Variants in ASRGL1 observed in about 807,000 individuals in gnomAD.
ASRGL1 encodes the protein isoaspartyl peptidase/L-asparaginase.
In ASRGL1, 16 loss-of-function variants were observed where a neutral mutation model predicts 22.4. That is an observed-to-expected ratio of 0.71 (90% CI 0.48 to 1.08). ASRGL1 has a LOEUF of 1.08. ASRGL1 is among the 50% of genes least tolerant of loss of function. The pLI is 0.00. For missense variants in ASRGL1, 412 were observed against 410.1 expected (o/e 1.00, Z -0.04); for synonymous variants, 165 against 159.3 (o/e 1.04, Z -0.27).
At chr11:62,342,609 T>C (rs1241765588) in intron 2 of ASRGL1, among the ~76,000 whole-genome samples, 1 of 118,684 alleles carries the variant, frequency 8.4e-6, no homozygotes, top group Non-Finnish European at 1.8e-5. Context: ...ATACAAAACT[T>C]AGCCAGGCAT....
intron 4 of ASRGL1, among the ~76,000 whole-genome samples, chr11:62,360,019 C>CTTTTTTTTTTTTTTGTTTTTT (rs1946395409): frequency 7.6e-6 from 1 of 132,240 alleles, no homozygotes; most frequent in African/African-American, 2.7e-5. Flanking sequence ...TTTTGCTTTT[C>CTTTTTTTTTTTTTTGTTTTTT]TTTTTTTTTT....
At chr11:62,339,314 T>G (rs1255119642) in intron 2 of ASRGL1, among the ~76,000 whole-genome samples, 1 of 152,192 alleles carries the variant, frequency 6.6e-6, no homozygotes, top group African/African-American at 2.4e-5. Flanking sequence ...TTGTCAGTCT[T>G]AAGATCTGTT....
chr11:62,386,962 A>G (rs1947227705), intron 4 of ASRGL1, among the ~76,000 whole-genome samples: 1 of 151,082 alleles, frequency 6.6e-6, no homozygotes, highest in South Asian at 2.1e-4. Context: ...GCACAATCTC[A>G]GCTCACTGCA....
At chr11:62,360,319 T>TGCCCG (rs1481424371) in intron 4 of ASRGL1, among the ~76,000 whole-genome samples, 2 of 151,816 alleles carry the variant, frequency 1.3e-5, no homozygotes, top group African/African-American at 2.4e-5. Flanking sequence ...TGAGCCACCA[T>TGCCCG]GCCCGGCCAA....
At chr11:62,385,577 T>G (rs1243571043) in intron 4 of ASRGL1, among the ~76,000 whole-genome samples, 1 of 152,134 alleles carries the variant, frequency 6.6e-6, no homozygotes, top group Non-Finnish European at 1.5e-5. Context: ...ACATAAAAGA[T>G]TTTAGGGCCA....
chr11:62,371,912 C>T, intron 4 of ASRGL1: 1 of 579,340 alleles, frequency 1.7e-6, no homozygotes, highest in Non-Finnish European at 3.1e-6. Flanking sequence ...CGAGATCGCG[C>T]CACTGCACTC....
chr11:62,337,800 T>C (rs1319209832), intron 1 of ASRGL1, 90 bp from the exon 2 acceptor site: 6 of 601,944 alleles, frequency 1.0e-5, no homozygotes, highest in Non-Finnish European at 1.6e-5. Flanking sequence ...GCCCCTGGGC[T>C]TTTCGTACCA....
downstream of ASRGL1, among the ~76,000 whole-genome samples, chr11:62,397,698 C>T (rs148818012): frequency 2.1e-3 from 310 of 150,962 alleles, no homozygotes; most frequent in African/African-American, 7.1e-3. Context: ...GGAAAAATTT[C>T]CTATCAGCCA....
intron 4 of ASRGL1, chr11:62,382,425 T>C (rs1475632195): frequency 6.6e-6 from 1 of 152,030 alleles, no homozygotes; most frequent in South Asian, 2.1e-4. Flanking sequence ...GGAAAGGTGC[T>C]ATGCCTTGAT....
chr11:62,341,947 A>G (rs1176010558), intron 2 of ASRGL1, among the ~76,000 whole-genome samples: 3 of 152,150 alleles, frequency 2.0e-5, no homozygotes, highest in East Asian at 3.8e-4. Context: ...CTGTAAAGAA[A>G]TAGTATTCGA....
At position 62,338,176 on chromosome 11, in the gene ASRGL1, G is replaced by T; in HGVS notation, c.190+9G>T. On this transcript the variant is annotated intron_variant, in intron 2 of 6. Transcript: ENST00000415229. ...TCCCGAGTTCAACGCAGGTAAATGT[G>T]CCTTTCAGCTAGTAAATAATGTGAG... is the stretch of plus-strand genomic sequence containing the variant. 1.3e-6 allele frequency: 2 copies of T among 1,543,366 alleles called. No individual in the cohort carries two copies. Among genetic ancestry groups the T allele is most frequent in the Non-Finnish European group, 1.7e-6 (2 of 1,146,552 alleles).
intron 4 of ASRGL1, among the ~76,000 whole-genome samples, chr11:62,374,235 C>T (rs1229982608): frequency 6.6e-6 from 1 of 152,180 alleles, no homozygotes; most frequent in African/African-American, 2.4e-5. Context: ...AGTCCCCTTC[C>T]TCACATGTCA....
chr11:62,393,364 G>C lies in ASRGL1; in HGVS notation c.*1080G>C, dbSNP rs943573651. ...CTCACCTTCTCTCTGGAAAGAATTT[G>C]CTTAACTTGACATTCCATGTGCCGC... On this transcript the variant is annotated 3_prime_UTR_variant, in exon 7 of 7. Coordinates refer to ENST00000415229, the MANE Select transcript of ASRGL1 (RefSeq NM_001083926.2). The C allele has an allele frequency of 1.3e-5, 2 of 152,188 alleles. No homozygotes were observed. The highest frequency in any genetic ancestry group is 4.1e-4 in the South Asian group (2 of 4,826). The allele number at this position is 152,188 out of a possible 1,614,324, so 9.4% of individuals were successfully genotyped here. A position where few individuals can be genotyped will look rare whatever the true frequency, so the allele number is the denominator to read the frequency against.
intron 4 of ASRGL1, chr11:62,372,828 T>TG: frequency 1.9e-6 from 3 of 1,602,370 alleles, no homozygotes; most frequent in South Asian, 1.1e-5. Context: ...TCTGTTTTTC[T>TG]GGGGGGCCAC....
At chr11:62,380,927 T>C (rs1030741456) in intron 4 of ASRGL1, among the ~76,000 whole-genome samples, 5 of 152,114 alleles carry the variant, frequency 3.3e-5, no homozygotes, top group Admixed American at 1.3e-4. Context: ...CCTTGTCCAC[T>C]AGGTGGTGCT....
At chr11:62,359,283 T>C (rs933898109) in intron 4 of ASRGL1, among the ~76,000 whole-genome samples, 12 of 152,170 alleles carry the variant, frequency 7.9e-5, no homozygotes, top group African/African-American at 2.9e-4. Flanking sequence ...CTGTCTCTAC[T>C]AAAAATACAA....
intron 2 of ASRGL1, among the ~76,000 whole-genome samples, chr11:62,343,100 G>A (rs60921547): frequency 0.043 from 6,616 of 152,114 alleles, 490 homozygotes; most frequent in African/African-American, 0.15. Context: ...ACTACTGGCC[G>A]GGCGCGGTGG....
chr11:62,353,792 T>C (rs886996967), intron 2 of ASRGL1, among the ~76,000 whole-genome samples: 2 of 152,208 alleles, frequency 1.3e-5, no homozygotes, highest in African/African-American at 4.8e-5. Context: ...TTTTGCATAT[T>C]ATGTTTTAAG....
chr11:62,351,056 A>G (rs1245198203), intron 2 of ASRGL1, among the ~76,000 whole-genome samples: 1 of 152,080 alleles, frequency 6.6e-6, no homozygotes, highest in Non-Finnish European at 1.5e-5. Context: ...TTTGCTCTAG[A>G]TATTATGCTG....
Sources: allele counts gnomAD v4.1 joint callset (sites outside exome capture counted in the v4.1 genomes callset), GRCh38; gene constraint gnomAD v4.1.1; transcripts MANE v1.5; gene names NCBI Gene and HGNC (gene_info 2026-07-23, HGNC 2026-07-21).